The following VPS13B variants were observed in gnomAD, a reference collection of about 807,000 sequenced individuals.
The protein encoded by VPS13B is vacuolar protein sorting 13 homolog B, also known as intermembrane lipid transfer protein VPS13B.
In VPS13B, 285 loss-of-function variants were observed where a neutral mutation model predicts 426.4. The observed-to-expected ratio is 0.67, with a 90% CI of 0.61 to 0.74. The LOEUF is 0.74. Among genes scored for constraint, VPS13B ranks in the 30% least tolerant of loss-of-function variants. The probability of loss-of-function intolerance (pLI) is 0.00; values close to 1 mark genes in which losing one functional copy is unlikely to be tolerated. For missense variants in VPS13B, 4,537 were observed against 4,782.6 expected (o/e 0.95, Z 1.51); for synonymous variants, 1,676 against 1,676.4 (o/e 1.00, Z 0.01).
At chr8:99,292,731 A>G (rs1051347564) in intron 19 of VPS13B, among the ~76,000 whole-genome samples, 5 of 152,126 alleles carry the variant, frequency 3.3e-5, no homozygotes, top group African/African-American at 1.2e-4. Flanking sequence ...CTTAAATGGA[A>G]TCTAAAAGGG....
chr8:99,125,989 A>G (rs1436967976), intron 8 of VPS13B, among the ~76,000 whole-genome samples: 1 of 151,958 alleles, frequency 6.6e-6, no homozygotes, highest in Non-Finnish European at 1.5e-5. Flanking sequence ...TGAGTGATCT[A>G]ATAGAGAGGA....
chr8:99,593,544 A>G (rs1826803804), intron 33 of VPS13B, among the ~76,000 whole-genome samples: 1 of 152,154 alleles, frequency 6.6e-6, no homozygotes, highest in South Asian at 2.1e-4. Flanking sequence ...TGACCCAGCA[A>G]TTGCATTACT....
intron 33 of VPS13B, among the ~76,000 whole-genome samples, chr8:99,593,634 A>G (rs112604060): frequency 0.044 from 6,748 of 152,000 alleles, 165 homozygotes; most frequent in East Asian, 0.06. Flanking sequence ...ACTATTCACA[A>G]TAGCAAAGAC....
At chr8:99,823,484 C>G (rs949868461) in intron 50 of VPS13B, among the ~76,000 whole-genome samples, 4 of 152,164 alleles carry the variant, frequency 2.6e-5, no homozygotes, top group African/African-American at 9.7e-5. Context: ...GGGTGGAATT[C>G]TGCCAAGTAA....
At chr8:99,105,674 C>T (rs1193739373) in intron 5 of VPS13B, among the ~76,000 whole-genome samples, 1 of 152,170 alleles carries the variant, frequency 6.6e-6, no homozygotes, top group Non-Finnish European at 1.5e-5. Flanking sequence ...CCACTGTGCC[C>T]ACCCAGAAAT....
chr8:99,060,566 A>G (rs1040640530), intron 3 of VPS13B, among the ~76,000 whole-genome samples: 35 of 152,120 alleles, frequency 2.3e-4, no homozygotes, highest in Middle Eastern at 6.8e-3. Context: ...CCGAGATCAC[A>G]CTACTGCACT....
chr8:99,340,572 G>C (rs547820212), intron 19 of VPS13B: 1 of 458,212 alleles, frequency 2.2e-6, no homozygotes, highest in Admixed American at 2.6e-5. Context: ...TAATTATCAG[G>C]CACAAGCTTC....
intron 58 of VPS13B, among the ~76,000 whole-genome samples, chr8:99,863,258 G>A (rs1816922397): frequency 6.6e-6 from 1 of 152,124 alleles, no homozygotes; most frequent in Admixed American, 6.5e-5. Context: ...AGAGTTGCCT[G>A]GTTTCCAAGA....
chr8:99,279,952 G>A (rs1819083865), intron 19 of VPS13B, among the ~76,000 whole-genome samples: 1 of 152,062 alleles, frequency 6.6e-6, no homozygotes, highest in Non-Finnish European at 1.5e-5. Flanking sequence ...TGTATTTTTA[G>A]TAGAGACAGG....
At chr8:99,609,551 A>G (rs1356963913) in intron 33 of VPS13B, among the ~76,000 whole-genome samples, 1 of 152,220 alleles carries the variant, frequency 6.6e-6, no homozygotes, top group African/African-American at 2.4e-5. Flanking sequence ...TTCCTCAAAC[A>G]AAAATGCTTT....
At chr8:99,032,549 AG>A (rs1842557349) in intron 2 of VPS13B, among the ~76,000 whole-genome samples, 1 of 121,148 alleles carries the variant, frequency 8.3e-6, no homozygotes, top group East Asian at 2.4e-4. Context: ...TTTTTTTTTG[AG>A]ACAGAGTCTC....
chr8:99,189,410 G>A (rs1674458815), intron 16 of VPS13B, among the ~76,000 whole-genome samples: 1 of 152,118 alleles, frequency 6.6e-6, no homozygotes, highest in African/African-American at 2.4e-5. Flanking sequence ...CTATTTGAAT[G>A]CCCATAGAAT....
chr8:99,109,384 C>CTTT (rs1218412171), intron 5 of VPS13B, among the ~76,000 whole-genome samples: 2 of 140,876 alleles, frequency 1.4e-5, no homozygotes, highest in Non-Finnish European at 3.1e-5. Context: ...CTTTTTCTTT[C>CTTT]TTTCTTTTTT....
intron 17 of VPS13B, among the ~76,000 whole-genome samples, chr8:99,255,455 G>A (rs1817696881): frequency 6.6e-6 from 1 of 152,048 alleles, no homozygotes; most frequent in Non-Finnish European, 1.5e-5. Context: ...TTTGAAACCT[G>A]GATGTTTGGA....
At chr8:99,666,034 C>T (rs995224196) in intron 35 of VPS13B, among the ~76,000 whole-genome samples, 3 of 152,196 alleles carry the variant, frequency 2.0e-5, no homozygotes, top group African/African-American at 7.2e-5. Flanking sequence ...AGGTCCTTCA[C>T]ATCCCTTTAA....
intron 16 of VPS13B, among the ~76,000 whole-genome samples, chr8:99,187,712 T>A (rs942513979): frequency 3.9e-5 from 6 of 152,184 alleles, no homozygotes; most frequent in African/African-American, 1.4e-4. Flanking sequence ...CTCATGCCTG[T>A]AATCCCAACA....
intron 2 of VPS13B, among the ~76,000 whole-genome samples, chr8:99,023,080 A>G (rs1040939891): frequency 6.6e-6 from 1 of 151,464 alleles, no homozygotes; most frequent in Admixed American, 6.6e-5. Flanking sequence ...CTTCGACCAC[A>G]TGGGCTCAGG....
intron 30 of VPS13B, among the ~76,000 whole-genome samples, chr8:99,538,781 C>T (rs1474919096): frequency 6.6e-6 from 1 of 152,146 alleles, no homozygotes; most frequent in African/African-American, 2.4e-5. Flanking sequence ...AACTTGTGAA[C>T]ACCTACCATT....
intron 33 of VPS13B, among the ~76,000 whole-genome samples, chr8:99,587,614 A>G (rs1826372559): frequency 6.6e-6 from 1 of 151,766 alleles, no homozygotes; most frequent in South Asian, 2.1e-4. Context: ...GGCTGCATAA[A>G]TGTCTTCTTT....
Sources: allele counts gnomAD v4.1 joint callset (sites outside exome capture counted in the v4.1 genomes callset), GRCh38; gene constraint gnomAD v4.1.1; transcripts MANE v1.5; gene names NCBI Gene and HGNC (gene_info 2026-07-23, HGNC 2026-07-21).